Variants in GPR107 observed in about 807,000 individuals in gnomAD.
GPR107 encodes the protein protein GPR107.
In GPR107, 31 loss-of-function variants were observed where a neutral mutation model predicts 75.5. The ratio of observed to expected loss-of-function variants is 0.41; its 90% CI spans 0.31 to 0.55. The LOEUF is 0.55. GPR107 is among the 20% of genes least tolerant of loss of function. The pLI, the probability that GPR107 is intolerant of heterozygous loss-of-function variation, is 0.26. For synonymous variants in GPR107, 267 were observed against 251.3 expected (o/e 1.06, Z -0.59); for missense variants, 572 against 665.7 (o/e 0.86, Z 1.55).
chr9:130,062,660 GCCTTCCTTCCTTCCTTCCTT>G (rs1199165645), intron 1 of GPR107, among the ~76,000 whole-genome samples: 3 of 69,076 alleles, frequency 4.3e-5, no homozygotes, highest in Non-Finnish European at 5.9e-5. Flanking sequence ...CTGCCTGCCT[GCCTTCCTTCCTTCCTTCCTT>G]CCTTCCTTCC....
chr9:130,086,783 C>T (rs1297301528), intron 7 of GPR107, among the ~76,000 whole-genome samples: 1 of 152,056 alleles, frequency 6.6e-6, no homozygotes, highest in Non-Finnish European at 1.5e-5. Flanking sequence ...CCCATGCTAC[C>T]TCCCATTCAA....
At position 130,130,226 on chromosome 9, in the gene GPR107, G is replaced by A. The variant is rs186670466; in HGVS notation, c.1562+1465G>A. 6.6e-5 allele frequency among the ~76,000 whole-genome samples: 10 copies of A among 152,234 alleles called. No homozygotes were observed. The East Asian group carries it at 9.7e-4, about 15-fold the overall frequency. On this transcript the variant is annotated intron_variant, in intron 17 of 17. Coordinates refer to ENST00000347136, the MANE Select transcript of GPR107 (RefSeq NM_020960.5). ...ACCAGTTTTGGCAACAGAAGTTACC[G>A]GTCAATAATCAGCAAGTTAAAAAGT...
rs922806884 is a variant in GPR107 at position 130,105,606 on chromosome 9, G to A, written c.1262+1056G>A. Reference sequence around the variant, plus strand: ...CATCCAGTAAATTAATATTTTTGAGGATCCTGGGGTTTGTCAGTTACTCTC... The same window carrying A: ...CATCCAGTAAATTAATATTTTTGAGAATCCTGGGGTTTGTCAGTTACTCTC... On this transcript the variant is annotated intron_variant, in intron 13 of 17. Coordinates refer to ENST00000347136, the MANE Select transcript of GPR107 (RefSeq NM_020960.5). Among the ~76,000 whole-genome samples, 4 of 151,576 alleles carry A rather than the reference G, an allele frequency of 2.6e-5. No homozygotes were observed. The East Asian group carries it at 5.9e-4, about 22-fold the overall frequency.
At chr9:130,126,624 A>G (rs1232136831) in intron 15 of GPR107, among the ~76,000 whole-genome samples, 2 of 152,172 alleles carry the variant, frequency 1.3e-5, no homozygotes, top group Non-Finnish European at 2.9e-5. Context: ...TGCTGGGATT[A>G]TAGGCGTGAG....
chr9:130,111,880 G>A (rs142211595), intron 14 of GPR107, among the ~76,000 whole-genome samples: 2,541 of 152,130 alleles, frequency 0.017, 61 homozygotes, highest in African/African-American at 0.052. Flanking sequence ...ACGCGCAGTG[G>A]CTTCTCTCAG....
chr9:130,074,041 G>A (rs1830280310), intron 1 of GPR107, among the ~76,000 whole-genome samples: 1 of 152,194 alleles, frequency 6.6e-6, no homozygotes, highest in South Asian at 2.1e-4. Context: ...ACAGGCGTGA[G>A]CCACCACGCC....
chr9:130,081,412 G>A (rs549307376), intron 5 of GPR107, among the ~76,000 whole-genome samples: 24 of 151,986 alleles, frequency 1.6e-4, no homozygotes, highest in Non-Finnish European at 2.9e-4. Context: ...GGTGGCTCAC[G>A]CCTGTAATCC....
rs1202551673 is a variant in GPR107 at position 130,053,976 on chromosome 9, C to T, written c.44C>T (p.Pro15Leu). 6.4e-7 allele frequency: 1 copy of T among 1,554,196 alleles called. No individual in the cohort carries two copies. Among genetic ancestry groups the T allele is most frequent in the Non-Finnish European group, 8.7e-7 (1 of 1,150,140 alleles). ...APVGSPASRG[P>L]RLAAGLRLLP... ...GTCGGCTCCCCCGCCTCCCGCGGTCCTAGGCTGGCCGCGGGCCTCCGGCTG... is the reference window on the plus strand; with the variant it reads ...GTCGGCTCCCCCGCCTCCCGCGGTCTTAGGCTGGCCGCGGGCCTCCGGCTG... Residue 15 changes from proline to leucine, a missense_variant, in exon 1 of 18, where the codon CCT becomes CTT. Pro to Leu is a moderately conservative substitution (Grantham distance 98). Coordinates refer to ENST00000347136, the MANE Select transcript of GPR107 (RefSeq NM_020960.5).
At chr9:130,132,392 G>T (rs1554899220) in intron 17 of GPR107, among the ~76,000 whole-genome samples, 1 of 152,214 alleles carries the variant, frequency 6.6e-6, no homozygotes, top group East Asian at 1.9e-4. Flanking sequence ...CCATCCTTGG[G>T]TGACCAGGCA....
At chr9:130,085,905 C>G (rs1589500490) in intron 6 of GPR107, among the ~76,000 whole-genome samples, 1 of 151,990 alleles carries the variant, frequency 6.6e-6, no homozygotes, top group East Asian at 1.9e-4. Flanking sequence ...CACGCACCAC[C>G]ACGCCTGGCT....
At chr9:130,089,499 G>A (rs995571161) in intron 7 of GPR107, among the ~76,000 whole-genome samples, 6 of 152,084 alleles carry the variant, frequency 3.9e-5, no homozygotes, top group Non-Finnish European at 7.4e-5. Context: ...CATGGCGTGG[G>A]GATAGTGGTT....
chr9:130,070,163 A>ATT (rs559425211), intron 1 of GPR107, among the ~76,000 whole-genome samples: 38 of 125,000 alleles, frequency 3.0e-4, no homozygotes, highest in African/African-American at 1.1e-3. Context: ...CACCCGGCTA[A>ATT]TTTTTTTTTT....
intron 1 of GPR107, among the ~76,000 whole-genome samples, chr9:130,070,562 C>A (rs981612375): frequency 6.6e-6 from 1 of 152,100 alleles, no homozygotes; most frequent in African/African-American, 2.4e-5. Flanking sequence ...CCTTGACCCC[C>A]CAAAGTGCTG....
intron 1 of GPR107, among the ~76,000 whole-genome samples, chr9:130,073,870 C>T (rs1048940122): frequency 6.6e-6 from 1 of 152,242 alleles, no homozygotes; most frequent in Non-Finnish European, 1.5e-5. Flanking sequence ...ATTCTCCTGC[C>T]TCAGCCTCCC....
At chr9:130,056,148 T>C (rs1564654952) in intron 1 of GPR107, among the ~76,000 whole-genome samples, 1 of 151,152 alleles carries the variant, frequency 6.6e-6, no homozygotes, top group Non-Finnish European at 1.5e-5. Context: ...GAAAAGTGCA[T>C]GTAGAAATGT....
At position 130,107,552 on chromosome 9, in the gene GPR107, GTGCTCA is replaced by G. The variant is rs773661008; in HGVS notation, c.1306+15_1306+20del. The G allele has an allele frequency of 6.4e-7, 1 of 1,563,550 alleles. No individual in the cohort carries two copies. The highest frequency in any genetic ancestry group is 8.8e-7 in the Non-Finnish European group (1 of 1,133,806). On this transcript the variant is annotated intron_variant, in intron 14 of 17. Transcript: ENST00000347136. ...ACAGATGGAAAAGGCAAGTTCTCTCGTGCTCATTTTGTGTTGCTCAGCTTGCTCTGA... is the reference window on the plus strand; with the variant it reads ...ACAGATGGAAAAGGCAAGTTCTCTCGTTTTGTGTTGCTCAGCTTGCTCTGA...
chr9:130,119,238 A>G (rs934968385), intron 14 of GPR107, among the ~76,000 whole-genome samples: 1 of 152,106 alleles, frequency 6.6e-6, no homozygotes, highest in African/African-American at 2.4e-5. Context: ...GACTCATCCT[A>G]TGCATATGGC....
chr9:130,072,976 C>G (rs1830248907), intron 1 of GPR107, among the ~76,000 whole-genome samples: 1 of 152,150 alleles, frequency 6.6e-6, no homozygotes, highest in Admixed American at 6.6e-5. Context: ...AGAACGTAGA[C>G]ACACTCATGC....
chr9:130,101,460 CT>C (rs1292042259), intron 12 of GPR107, among the ~76,000 whole-genome samples: 23 of 152,238 alleles, frequency 1.5e-4, no homozygotes, highest in African/African-American at 5.5e-4. Flanking sequence ...GAGTAGAGAG[CT>C]GCTGACAGTG....
Sources: gnomAD v4.1 joint callset for allele counts (sites outside exome capture counted in the v4.1 genomes callset) on GRCh38, gnomAD v4.1.1 for gene constraint, MANE v1.5 for transcripts, NCBI Gene and HGNC (gene_info 2026-07-23, HGNC 2026-07-21) for gene names.